Variants in ATP13A5 observed in about 807,000 individuals in gnomAD.
The protein encoded by ATP13A5 is probable cation-transporting ATPase 13A5.
Under a neutral mutation model 150.2 loss-of-function variants are expected in ATP13A5, and 149 were observed. The ratio of observed to expected loss-of-function variants is 0.99; its 90% CI spans 0.87 to 1.14. The LOEUF (loss-of-function observed/expected upper bound fraction) is 1.14, where lower values mean the gene tolerates loss of function less well. Ranked by LOEUF, ATP13A5 falls within the 50% of genes most tolerant of loss-of-function variation. ATP13A5 has a pLI of 0.00. For missense variants in ATP13A5, 1,383 were observed against 1,449.3 expected (o/e 0.95, Z 0.74); for synonymous variants, 497 against 522.2 (o/e 0.95, Z 0.66).
intron 1 of ATP13A5, among the ~76,000 whole-genome samples, chr3:193,366,230 A>G (rs777832448): frequency 6.6e-6 from 1 of 152,048 alleles, no homozygotes. Context: ...AAGAAGCAAC[A>G]TTATGAAATT....
At chr3:193,284,285 A>G (rs1235536876) in intron 27 of ATP13A5, among the ~76,000 whole-genome samples, 2 of 152,042 alleles carry the variant, frequency 1.3e-5, no homozygotes, top group East Asian at 3.9e-4. Context: ...TCAGCCTCCC[A>G]AAGTGCTGGG....
At position 193,322,123 on chromosome 3, in the gene ATP13A5, A is replaced by G. The variant is rs192748416; in HGVS notation, c.1759-286T>C. 1.4e-4 allele frequency among the ~76,000 whole-genome samples: 22 copies of G among 152,302 alleles called. No individual in the cohort carries two copies. In the East Asian group the frequency reaches 2.3e-3, roughly 16 times the overall value. On this transcript the variant is annotated intron_variant, in intron 15 of 29. Coordinates refer to ENST00000342358, the MANE Select transcript of ATP13A5 (RefSeq NM_198505.4). ...CTTTTATCTCCCAGAAACAGTATTC[A>G]TTCCCATGTCAGGACTCTTGAAACT... is the stretch of plus-strand genomic sequence containing the variant.
Position 193,333,927 on chromosome 3 carries a change from G to T in ATP13A5, c.1115-20C>A, listed in dbSNP as rs1711744888. 6.2e-7 allele frequency: 1 copy of T among 1,603,850 alleles called. No individual in the cohort carries two copies. The highest frequency in any genetic ancestry group is 8.5e-7 in the Non-Finnish European group (1 of 1,174,688). On this transcript the variant is annotated intron_variant, in intron 10 of 29. Coordinates refer to ENST00000342358, the MANE Select transcript of ATP13A5 (RefSeq NM_198505.4). ...TGTAACCTACATAAAGATAATCATA[G>T]ATCAAGTAAGGCTGCTTGATGGACA... is the stretch of plus-strand genomic sequence containing the variant.
chr3:193,354,300 G>A (rs1712690751), intron 5 of ATP13A5, 104 bp from the exon 6 acceptor site: 1 of 1,021,662 alleles, frequency 9.8e-7, no homozygotes, highest in Admixed American at 2.5e-5. Context: ...TGGAGATTTT[G>A]TGACTTTGAT....
rs1400450548 is a variant in ATP13A5 at position 193,343,911 on chromosome 3, C to T, written c.943+16G>A. Reference sequence around the variant, plus strand: ...ATGTCAGACAGGGAAGAGGAAGCTCCATGACAACTGCCTACCTGTAAGCAT... The same window carrying T: ...ATGTCAGACAGGGAAGAGGAAGCTCTATGACAACTGCCTACCTGTAAGCAT... On this transcript the variant is annotated intron_variant, in intron 9 of 29. Coordinates refer to ENST00000342358, the MANE Select transcript of ATP13A5 (RefSeq NM_198505.4). The T allele has an allele frequency of 6.2e-7, 1 of 1,609,760 alleles. No homozygotes were observed. The highest frequency in any genetic ancestry group is 1.7e-5 in the Admixed American group (1 of 59,678).
At chr3:193,319,447 A>G (rs563683469) in intron 16 of ATP13A5, among the ~76,000 whole-genome samples, 2 of 152,322 alleles carry the variant, frequency 1.3e-5, no homozygotes, top group East Asian at 1.9e-4. Context: ...GCCCTCGTGA[A>G]TGAGATTGAT....
chr3:193,281,266 C>T (rs1717482314), intron 27 of ATP13A5: 2 of 946,028 alleles, frequency 2.1e-6, no homozygotes, highest in African/African-American at 1.8e-5. Context: ...AAGTCCTAGA[C>T]CTCACTAGCA....
chr3:193,320,745 C>T (rs78562459), intron 16 of ATP13A5, among the ~76,000 whole-genome samples: 1 of 152,088 alleles, frequency 6.6e-6, no homozygotes. Flanking sequence ...ACATGAAAAT[C>T]GGAAGACAAA....
At position 193,354,129 on chromosome 3, in the gene ATP13A5, G is replaced by C. The variant is rs751476340; in HGVS notation, c.604C>G (p.Gln202Glu). 4 of 1,605,350 alleles carry C rather than the reference G, an allele frequency of 2.5e-6. No individual in the cohort carries two copies. Among genetic ancestry groups the C allele is most frequent in the Non-Finnish European group, 3.4e-6 (4 of 1,177,576 alleles). The change falls in exon 6 of 30, where the codon CAG becomes GAG. Residue 202 changes from glutamine to glutamate, a missense_variant and splice_region_variant. Physicochemically the swap from Gln to Glu is conservative, Grantham distance 29. Around this residue, in one of 3 missense-constraint regions of ATP13A5, gnomAD observed 787 missense variants for 771.9 expected, o/e 1.02. Coordinates refer to ENST00000342358, the MANE Select transcript of ATP13A5 (RefSeq NM_198505.4). ...IQPIWKLLVKQVLNPFYVFQA... is the reference protein window; with the variant it reads ...IQPIWKLLVKEVLNPFYVFQA... ...AAAAAAGAAAAGAAAACAGTTACCT[G>C]TTTAACAAGCAGCTTCCATATGGGT...
At position 193,276,790 on chromosome 3, in the gene ATP13A5, A is replaced by G; in HGVS notation, c.3356T>C (p.Val1119Ala). 1 of 1,613,694 alleles carries G rather than the reference A, an allele frequency of 6.2e-7. No individual in the cohort carries two copies. The highest frequency in any genetic ancestry group is 1.1e-5 in the South Asian group (1 of 91,002). ...CACACAGAATTGGGTGAGGGCTACCACCAAAATTAAAACCCTCCACGATGT... is the reference window on the plus strand; with the variant it reads ...CACACAGAATTGGGTGAGGGCTACCGCCAAAATTAAAACCCTCCACGATGT... Reference protein sequence around the residue: ...TITSWRVLILVVALTQFCVAF... With the variant: ...TITSWRVLILAVALTQFCVAF... Residue 1119 changes from valine to alanine, a missense_variant, in exon 29 of 30, where the codon GTG becomes GCG. Around this residue, in one of 3 missense-constraint regions of ATP13A5, gnomAD observed 568 missense variants for 621.5 expected, o/e 0.91. Coordinates refer to ENST00000342358, the MANE Select transcript of ATP13A5 (RefSeq NM_198505.4).
At chr3:193,347,308 C>A (rs73888279) in intron 7 of ATP13A5, among the ~76,000 whole-genome samples, 19,689 of 151,314 alleles carry the variant, frequency 0.13, 1,470 homozygotes, top group Non-Finnish European at 0.16. Flanking sequence ...CAAAATAATT[C>A]TATGATGAAA....
At position 193,285,072 on chromosome 3, in the gene ATP13A5, C is replaced by T; in HGVS notation, c.3068G>A (p.Ser1023Asn). ...ATTTCCAGTCCAGTTTCTTTCCAAA[C>T]TCACATTTGTTGAAAAATTACTTTG... ...ANQSNFSTNV[S>N]LERNWTGNAT... Residue 1023 changes from serine (S) to asparagine (N), a missense_variant, in exon 27 of 30, where the codon AGT becomes AAT. Coordinates refer to ENST00000342358, the MANE Select transcript of ATP13A5 (RefSeq NM_198505.4). 1.9e-6 allele frequency: 3 copies of T among 1,613,950 alleles called. No individual in the cohort carries two copies. The highest frequency in any genetic ancestry group is 2.5e-6 in the Non-Finnish European group (3 of 1,179,934).
intron 26 of ATP13A5, among the ~76,000 whole-genome samples, chr3:193,288,208 T>C (rs1461136102): frequency 6.6e-6 from 1 of 152,150 alleles, no homozygotes; most frequent in Non-Finnish European, 1.5e-5. Context: ...TAGAATATTA[T>C]ATAAACTTAC....
At chr3:193,355,984 A>G (rs879839367) in intron 5 of ATP13A5, among the ~76,000 whole-genome samples, 6 of 152,152 alleles carry the variant, frequency 3.9e-5, no homozygotes, top group Non-Finnish European at 8.8e-5. Context: ...GAACACAGCT[A>G]AGACCTTGTG....
intron 27 of ATP13A5, 70 bp from the exon 28 acceptor site, chr3:193,279,524 A>C (rs1364234940): frequency 1.8e-5 from 22 of 1,246,286 alleles, no homozygotes; most frequent in Non-Finnish European, 2.6e-5. Flanking sequence ...CACATTGCAG[A>C]ATCAATTATC....
chr3:193,350,314 A>G (rs1712516391), intron 7 of ATP13A5, among the ~76,000 whole-genome samples: 2 of 152,152 alleles, frequency 1.3e-5, no homozygotes, highest in Non-Finnish European at 2.9e-5. Flanking sequence ...TTTATCCTTC[A>G]GTGGGTTCCC....
intron 1 of ATP13A5, among the ~76,000 whole-genome samples, chr3:193,369,169 A>G (rs1205265894): frequency 6.6e-6 from 1 of 152,148 alleles, no homozygotes; most frequent in African/African-American, 2.4e-5. Context: ...GCTTGAGCCC[A>G]GGAGTTCAGG....
chr3:193,302,810 A>G (rs553827010), intron 23 of ATP13A5, among the ~76,000 whole-genome samples: 2 of 152,310 alleles, frequency 1.3e-5, no homozygotes, highest in African/African-American at 4.8e-5. Context: ...GTGCTTTCTC[A>G]GGAATAAGTA....
intron 18 of ATP13A5, 24 bp from the exon 19 acceptor site, chr3:193,314,217 T>C (rs375535164): frequency 3.4e-5 from 54 of 1,611,122 alleles, no homozygotes; most frequent in Non-Finnish European, 4.4e-5. Context: ...AAACTTTGCT[T>C]GCTGTATGTA....
Sources: allele counts gnomAD v4.1 joint callset (sites outside exome capture counted in the v4.1 genomes callset), GRCh38; gene constraint gnomAD v4.1.1; regional missense constraint gnomAD v4.1.1; transcripts MANE v1.5; gene names NCBI Gene and HGNC (gene_info 2026-07-23, HGNC 2026-07-21).